The following UTRN variants were observed in gnomAD, a reference collection of about 807,000 sequenced individuals.
The protein encoded by UTRN is utrophin, also known as dystrophin-related protein 1.
Under a neutral mutation model 463.9 loss-of-function variants are expected in UTRN, and 283 were observed. The observed-to-expected ratio is 0.61, with a 90% CI of 0.55 to 0.67. The LOEUF is 0.67. Among genes scored for constraint, UTRN ranks in the 30% least tolerant of loss-of-function variants. The probability of loss-of-function intolerance (pLI) is 0.00; values close to 1 mark genes in which losing one functional copy is unlikely to be tolerated. For missense variants in UTRN, 3,922 were observed against 4,084.3 expected, an observed-to-expected ratio of 0.96 and a Z score of 1.08; for synonymous variants, 1,442 against 1,431.5, an observed-to-expected ratio of 1.01 and a Z score of -0.17.
At chr6:144,355,473 A>G (rs985943421) in intron 2 of UTRN, among the ~76,000 whole-genome samples, 5 of 152,218 alleles carry the variant, frequency 3.3e-5, no homozygotes, top group Non-Finnish European at 5.9e-5. Flanking sequence ...TGCTGGGACT[A>G]TAGGCGTTAG....
chr6:144,632,795 C>A (rs1378406991), intron 51 of UTRN, among the ~76,000 whole-genome samples: 2 of 151,006 alleles, frequency 1.3e-5, no homozygotes, highest in Non-Finnish European at 2.9e-5. Context: ...GATCTTGGCT[C>A]ACTGCAACCT....
intron 2 of UTRN, among the ~76,000 whole-genome samples, chr6:144,378,373 T>G (rs558411003): frequency 6.6e-6 from 1 of 152,224 alleles, no homozygotes. Flanking sequence ...AAAGTTGACA[T>G]TTCTTGCCCT....
intron 51 of UTRN, among the ~76,000 whole-genome samples, chr6:144,678,196 G>C (rs139327703): frequency 6.6e-6 from 1 of 152,198 alleles, no homozygotes; most frequent in East Asian, 1.9e-4. Context: ...AGCCTGTATA[G>C]CCAAGACAAT....
At chr6:144,526,582 G>C (rs140263482) in intron 41 of UTRN, among the ~76,000 whole-genome samples, 2 of 151,870 alleles carry the variant, frequency 1.3e-5, no homozygotes, top group East Asian at 3.9e-4. Flanking sequence ...TTTATGTGTC[G>C]GGTGAGTCTC....
At chr6:144,474,792 CAGG>C in intron 25 of UTRN, 33 bp downstream of exon 25, 1 of 1,603,804 alleles carries the variant, frequency 6.2e-7, no homozygotes, top group Non-Finnish European at 8.5e-7. Flanking sequence ...CTACGGTTTT[CAGG>C]AGATGTAGAC....
Position 144,474,683 on chromosome 6 carries a change from C to T in UTRN, c.3260C>T (p.Pro1087Leu). 6.2e-7 allele frequency: 1 copy of T among 1,613,926 alleles called. No homozygotes were observed. The highest frequency in any genetic ancestry group is 1.3e-5 in the African/African-American group (1 of 75,018). ...KEIETNLRSG[P>L]VAGIKTWVQT... ...ATAGAGACTAATCTTCGAAGTGGTC[C>T]AGTTGCTGGAATAAAAACTTGGGTG... is the stretch of plus-strand genomic sequence containing the variant. The change falls in exon 25 of 75, where the codon CCA becomes CTA. Residue 1087 changes from proline to leucine, a missense_variant. Pro to Leu is a moderately conservative substitution (Grantham distance 98). Around this residue, in one of 3 missense-constraint regions of UTRN, gnomAD observed 2,349 missense variants for 2,303.8 expected, o/e 1.02. Coordinates refer to ENST00000367545, the MANE Select transcript of UTRN (RefSeq NM_007124.3).
chr6:144,561,998 T>G (rs1212515039), intron 50 of UTRN, among the ~76,000 whole-genome samples: 1 of 152,146 alleles, frequency 6.6e-6, no homozygotes, highest in Non-Finnish European at 1.5e-5. Flanking sequence ...CTTCTTTGTC[T>G]GCTTTTCTGA....
At chr6:144,656,700 C>G (rs140142377) in intron 51 of UTRN, among the ~76,000 whole-genome samples, 4 of 152,146 alleles carry the variant, frequency 2.6e-5, no homozygotes, top group African/African-American at 7.2e-5. Context: ...GAGTGCAATA[C>G]TTTTGAGTAA....
At chr6:144,581,077 C>T (rs1031233224) in intron 51 of UTRN, among the ~76,000 whole-genome samples, 1 of 152,134 alleles carries the variant, frequency 6.6e-6, no homozygotes, top group Non-Finnish European at 1.5e-5. Context: ...GTGGGGATGG[C>T]AAATTTCATC....
chr6:144,690,189 A>G (rs1424655164), intron 52 of UTRN, among the ~76,000 whole-genome samples: 2 of 137,286 alleles, frequency 1.5e-5, no homozygotes, highest in East Asian at 2.2e-4. Flanking sequence ...AGGCAAGTCC[A>G]TGCTCTGGCT....
rs546067593 is a variant in UTRN at position 144,592,976 on chromosome 6, A to G, written c.7479+15688A>G. Among the ~76,000 whole-genome samples the G allele has an allele frequency of 2.6e-5, 4 of 152,324 alleles. No homozygotes were observed. The South Asian group carries it at 8.3e-4, about 32-fold the overall frequency. On this transcript the variant is annotated intron_variant, in intron 51 of 74. Transcript: ENST00000367545. Reference sequence around the variant, plus strand: ...TAAAATGGGATGCAACAAATACAGTATAATAAAACTAGAAGTTGTTTGAAC... The same window carrying G: ...TAAAATGGGATGCAACAAATACAGTGTAATAAAACTAGAAGTTGTTTGAAC...
intron 54 of UTRN, among the ~76,000 whole-genome samples, chr6:144,738,453 G>T (rs1386237934): frequency 1.3e-5 from 2 of 152,106 alleles, no homozygotes; most frequent in Non-Finnish European, 2.9e-5. Context: ...TTAAAAGTCA[G>T]ATCTGCACAG....
chr6:144,768,722 G>T (rs1793626156), intron 58 of UTRN, among the ~76,000 whole-genome samples: 1 of 152,214 alleles, frequency 6.6e-6, no homozygotes. Context: ...GAAATCATTT[G>T]CATTACTATC....
At chr6:144,558,884 A>T (rs1174665423) in intron 50 of UTRN, among the ~76,000 whole-genome samples, 1 of 152,180 alleles carries the variant, frequency 6.6e-6, no homozygotes, top group East Asian at 1.9e-4. Flanking sequence ...GGAACTGTGG[A>T]TGAAAACATA....
chr6:144,721,430 A>C (rs1238039990), intron 53 of UTRN, among the ~76,000 whole-genome samples: 2 of 152,144 alleles, frequency 1.3e-5, no homozygotes. Flanking sequence ...GCTGGTGTCA[A>C]ATTTCTGGCC....
chr6:144,570,151 A>G (rs1800805846), intron 50 of UTRN, among the ~76,000 whole-genome samples: 1 of 151,976 alleles, frequency 6.6e-6, no homozygotes, highest in Non-Finnish European at 1.5e-5. Flanking sequence ...TGGGGAAGGT[A>G]CCATGGTTTT....
chr6:144,796,222 T>A (rs1777199359), intron 63 of UTRN, among the ~76,000 whole-genome samples: 1 of 152,196 alleles, frequency 6.6e-6, no homozygotes, highest in African/African-American at 2.4e-5. Flanking sequence ...CAGATGGTTG[T>A]AGATGTGTGG....
intron 51 of UTRN, among the ~76,000 whole-genome samples, chr6:144,665,925 G>T (rs988055781): frequency 6.6e-6 from 1 of 152,098 alleles, no homozygotes; most frequent in African/African-American, 2.4e-5. Context: ...TGAATATCTT[G>T]CCATGGCCCC....
Position 144,291,735 on chromosome 6 carries a change from A to T in UTRN, c.-92-2A>T. On this transcript the variant is annotated splice_acceptor_variant, in intron 1 of 74. Coordinates refer to ENST00000367545, the MANE Select transcript of UTRN (RefSeq NM_007124.3). LOFTEE classifies it low-confidence loss of function (5UTR_SPLICE). Reference sequence around the variant, plus strand: ...AGTCAGTACTTTCCCTTTTCCTTTTAGGTATTGATGTCAAGCTGAACCATC... The same window carrying T: ...AGTCAGTACTTTCCCTTTTCCTTTTTGGTATTGATGTCAAGCTGAACCATC... 1 of 963,114 alleles carries T rather than the reference A, an allele frequency of 1.0e-6. No individual in the cohort carries two copies. The highest frequency in any genetic ancestry group is 1.5e-6 in the Non-Finnish European group (1 of 656,020). 59.7% of individuals were successfully genotyped at this position (963,114 alleles called of 1,614,324 possible).
Sources: gnomAD v4.1 joint callset for allele counts (sites outside exome capture counted in the v4.1 genomes callset) on GRCh38, gnomAD v4.1.1 for gene constraint, gnomAD v4.1.1 regional missense constraint, MANE v1.5 for transcripts, NCBI Gene and HGNC (gene_info 2026-07-23, HGNC 2026-07-21) for gene names.